Variants in PCNT observed in about 807,000 individuals in gnomAD.
The protein encoded by PCNT is kendrin.
Under a neutral mutation model 380.4 loss-of-function variants are expected in PCNT, and 319 were observed. The ratio of observed to expected loss-of-function variants is 0.84; its 90% CI spans 0.77 to 0.92. The LOEUF (loss-of-function observed/expected upper bound fraction) is 0.92. PCNT is among the 40% of genes least tolerant of loss of function. The probability of loss-of-function intolerance (pLI) is 0.00; values close to 1 mark genes in which losing one functional copy is unlikely to be tolerated. For synonymous variants in PCNT, 1,845 were observed against 1,735.2 expected (o/e 1.06, Z -1.57); for missense variants, 4,400 against 4,255.3 (o/e 1.03, Z -0.95).
chr21:46,345,269 G>T (rs1211997506), intron 3 of PCNT, among the ~76,000 whole-genome samples: 1 of 152,096 alleles, frequency 6.6e-6, no homozygotes, highest in Non-Finnish European at 1.5e-5. Context: ...CCAGGATGGA[G>T]TGCAGTGGTG....
At position 46,388,963 on chromosome 21, in the gene PCNT, C is replaced by T. The variant is rs1032044436; in HGVS notation, c.3607+79C>T. 80 of 1,524,060 alleles carry T rather than the reference C, an allele frequency of 5.2e-5. No homozygotes were observed. In the East Asian group the frequency reaches 7.3e-4, roughly 14 times the overall value. The allele number at this position is 1,524,060 out of a possible 1,614,324, so 94.4% of individuals were successfully genotyped here. On this transcript the variant is annotated intron_variant, in intron 18 of 46. Coordinates refer to ENST00000359568, the MANE Select transcript of PCNT (RefSeq NM_006031.6). The surrounding 1 kb of genome is among the most constrained non-coding windows in gnomAD (Gnocchi z 4.2). ...CCTGGAGCTCTCTGAGAGGAGCCTC[C>T]GTATTGGGCGATGCCCTTGGGAGCA... is the stretch of plus-strand genomic sequence containing the variant.
chr21:46,430,478 T>C (rs1280237017), intron 36 of PCNT, 29 bp from the exon 37 acceptor site: 1 of 1,549,152 alleles, frequency 6.5e-7, no homozygotes, highest in Non-Finnish European at 8.7e-7. Context: ...GCCCACGTGG[T>C]CAGATTGTTC....
rs373283201 is a variant in PCNT at position 46,338,242 on chromosome 21, C to A, written c.639+3474C>A. On this transcript the variant is annotated intron_variant, in intron 3 of 46. Transcript: ENST00000359568. ...CAATTGTGTAGAGTCATATTCACCA[C>A]CCAGTTACCCTCGAGAACAACCCCA... Among the ~76,000 whole-genome samples the A allele has an allele frequency of 6.1e-4, 93 of 152,240 alleles. 1 individual carries two copies. The South Asian group carries it at 0.01, about 17-fold the overall frequency.
intron 39 of PCNT, 87 bp from the exon 40 acceptor site, chr21:46,436,892 T>A: frequency 1.0e-6 from 1 of 977,034 alleles, no homozygotes; most frequent in Non-Finnish European, 1.6e-6. Context: ...CTGTCTTGTC[T>A]CTCTTGAGCC....
intron 15 of PCNT, among the ~76,000 whole-genome samples, chr21:46,377,039 C>T (rs1407840311): frequency 2.0e-5 from 3 of 151,998 alleles, no homozygotes; most frequent in African/African-American, 4.8e-5. Flanking sequence ...CAGGCCGGCG[C>T]GGGGGGCACC....
intron 3 of PCNT, among the ~76,000 whole-genome samples, chr21:46,337,761 T>C (rs1394227385): frequency 6.6e-6 from 1 of 150,794 alleles, no homozygotes; most frequent in East Asian, 2.0e-4. Context: ...TTTGTATTTT[T>C]AGTAGAGATG....
chr21:46,359,574 C>T (rs1296024006), intron 13 of PCNT, among the ~76,000 whole-genome samples: 3 of 132,342 alleles, frequency 2.3e-5, no homozygotes, highest in Admixed American at 1.6e-4. Flanking sequence ...CTGTACCCTC[C>T]GCCTCCTGGT....
Position 46,411,432 on chromosome 21 carries a change from GC to G in PCNT, c.5362del (p.Leu1788TyrfsTer15). 1 of 1,612,370 alleles carries G rather than the reference GC, an allele frequency of 6.2e-7. No homozygotes were observed. Among genetic ancestry groups the G allele is most frequent in the East Asian group, 2.2e-5 (1 of 44,850 alleles). ...CCAGGCCGGGGGCCCTCGTGGGCAGGCCCTACAGGGCGAGCTCGAGGCTGCG... is the reference window on the plus strand; with the variant it reads ...CCAGGCCGGGGGCCCTCGTGGGCAGGCCTACAGGGCGAGCTCGAGGCTGCG... ...CSQAGGPRGQ[A>X]LQGELEAALE... is the part of the protein sequence containing the mutation. On this transcript the variant is annotated frameshift_variant, in exon 28 of 47. Coordinates refer to ENST00000359568, the MANE Select transcript of PCNT (RefSeq NM_006031.6). LOFTEE classifies it high-confidence loss of function.
chr21:46,352,698 AG>A (rs1313696359), intron 9 of PCNT, among the ~76,000 whole-genome samples: 1 of 152,232 alleles, frequency 6.6e-6, no homozygotes, highest in Non-Finnish European at 1.5e-5. Flanking sequence ...AAGATGGTAC[AG>A]CTGGGTTTTC....
intron 2 of PCNT, among the ~76,000 whole-genome samples, chr21:46,333,836 C>CAAA (rs568452326): frequency 2.4e-5 from 2 of 82,128 alleles, no homozygotes; most frequent in Non-Finnish European, 5.1e-5. Context: ...GACTCCGTCT[C>CAAA]AAAAAAAAAA....
chr21:46,441,755 G>A (rs2053613069), intron 43 of PCNT, among the ~76,000 whole-genome samples: 1 of 152,140 alleles, frequency 6.6e-6, no homozygotes, highest in South Asian at 2.1e-4. Context: ...CTAGATAGGG[G>A]AGGTAAGCAG....
intron 2 of PCNT, 142 bp from the exon 3 acceptor site, chr21:46,334,255 T>C (rs1601758498): frequency 9.2e-7 from 1 of 1,082,236 alleles, no homozygotes; most frequent in African/African-American, 1.6e-5. Flanking sequence ...ATGCGGAAGG[T>C]GCACGTTCTG....
intron 3 of PCNT, 52 bp from the exon 4 acceptor site, chr21:46,346,076 T>C: frequency 6.5e-7 from 1 of 1,542,720 alleles, no homozygotes. Context: ...AGCACATCAC[T>C]GTGGCTTCTC....
chr21:46,362,236 C>T (rs1419308585), intron 13 of PCNT, among the ~76,000 whole-genome samples: 1 of 152,194 alleles, frequency 6.6e-6, no homozygotes. Flanking sequence ...CCTTCCCAGG[C>T]GTTGCAGCTC....
At chr21:46,430,742 C>T (rs2087722461) in intron 37 of PCNT, 85 bp downstream of exon 37, 3 of 1,545,266 alleles carry the variant, frequency 1.9e-6, no homozygotes, top group African/African-American at 1.4e-5. Flanking sequence ...TCCTTCTTTT[C>T]CTGTTCTTCA....
At chr21:46,413,258 C>T (rs78282514) in intron 29 of PCNT, among the ~76,000 whole-genome samples, 15 of 121,040 alleles carry the variant, frequency 1.2e-4, no homozygotes, top group Admixed American at 3.1e-4. Context: ...AGGCGTGAGG[C>T]CCCCCTGGGA....
chr21:46,439,998 TC>T lies in PCNT; in HGVS notation c.9274-82del, dbSNP rs2053563891. On this transcript the variant is annotated intron_variant, in intron 41 of 46. Coordinates refer to ENST00000359568, the MANE Select transcript of PCNT (RefSeq NM_006031.6). ...CCTGGCCTCCCCGCACATGGCCTTC[TC>T]CCTCACCTGCCCCCGGCTGCGTCTC... The T allele has an allele frequency of 1.7e-4, 259 of 1,565,918 alleles. 4 individuals carry two copies. In the South Asian group the frequency reaches 2.8e-3, roughly 17 times the overall value.
chr21:46,361,808 A>G (rs1394049268), intron 13 of PCNT, among the ~76,000 whole-genome samples: 1 of 152,194 alleles, frequency 6.6e-6, no homozygotes, highest in Non-Finnish European at 1.5e-5. Context: ...TTTTTGTGGC[A>G]TTAAAAAGTC....
chr21:46,405,940 A>G (rs1601984340), intron 27 of PCNT, among the ~76,000 whole-genome samples: 1 of 152,056 alleles, frequency 6.6e-6, no homozygotes, highest in African/African-American at 2.4e-5. Flanking sequence ...TACATCCTTC[A>G]TTTTCTGTAA....
Sources: allele counts gnomAD v4.1 joint callset (sites outside exome capture counted in the v4.1 genomes callset), GRCh38; gene constraint gnomAD v4.1.1; non-coding constraint Gnocchi (gnomAD v3.1); transcripts MANE v1.5; gene names NCBI Gene and HGNC (gene_info 2026-07-23, HGNC 2026-07-21).